The following GRIPAP1 variants were observed in gnomAD, a reference collection of about 807,000 sequenced individuals.
The protein encoded by GRIPAP1 is GRIP1-associated protein 1.
Under a neutral mutation model 84.1 loss-of-function variants are expected in GRIPAP1, and 14 were observed. The observed-to-expected ratio is 0.17, with a 90% CI of 0.11 to 0.26. The LOEUF is 0.26. GRIPAP1 is among the 10% of genes least tolerant of loss of function. The probability of loss-of-function intolerance (pLI) is 1.00; values close to 1 mark genes in which losing one functional copy is unlikely to be tolerated. For missense variants in GRIPAP1, 518 were observed against 674.2 expected (o/e 0.77, Z 2.57); for synonymous variants, 261 against 256.8 (o/e 1.02, Z -0.15).
At chrX:48,978,895 C>CAAA (rs57629559) in intron 21 of GRIPAP1, among the ~76,000 whole-genome samples, 2 of 71,406 alleles carry the variant, frequency 2.8e-5, no homozygotes, top group African/African-American at 1.3e-4. Context: ...ACTCTTGTCT[C>CAAA]AAAAAAAAAA....
intron 18 of GRIPAP1, 45 bp from the exon 19 acceptor site, chrX:48,981,736 G>A (rs781868611): frequency 2.6e-6 from 3 of 1,164,793 alleles, no homozygotes; most frequent in South Asian, 3.6e-5. Context: ...GGAAGCCTCT[G>A]TCCTCCCAGG....
intron 15 of GRIPAP1, 52 bp downstream of exon 15, chrX:48,983,723 T>G: frequency 1.3e-6 from 1 of 746,382 alleles, no homozygotes; most frequent in Non-Finnish European, 2.1e-6. Context: ...CCCCATGGAC[T>G]GAGCCAATTC....
At chrX:48,999,803 G>C (rs962680794) in intron 1 of GRIPAP1, among the ~76,000 whole-genome samples, 15 of 110,831 alleles carry the variant, frequency 1.4e-4, no homozygotes, top group African/African-American at 4.6e-4. Flanking sequence ...GCTTGTGTGA[G>C]TTCCCTGGCT....
intron 5 of GRIPAP1, 35 bp from the exon 6 acceptor site, chrX:48,993,613 G>T: frequency 9.6e-7 from 1 of 1,046,299 alleles, no homozygotes; most frequent in South Asian, 2.5e-5. Context: ...GAGAAGCAGA[G>T]AATCAGAGCA....
intron 8 of GRIPAP1, 152 bp from the exon 9 acceptor site, chrX:48,990,155 G>T: frequency 2.1e-6 from 1 of 475,757 alleles, no homozygotes; most frequent in Non-Finnish European, 3.5e-6. Flanking sequence ...GCCCTGACAA[G>T]TGAGTAGTAC....
intron 3 of GRIPAP1, 122 bp downstream of exon 3, chrX:48,999,116 C>A (rs142454099): frequency 0.017 from 7,504 of 454,670 alleles, 55 homozygotes; most frequent in Non-Finnish European, 0.021. Context: ...TAAATGACTA[C>A]GTGAAAACAG....
At chrX:48,978,705 C>G (rs1020107794) in intron 21 of GRIPAP1, among the ~76,000 whole-genome samples, 1 of 109,525 alleles carries the variant, frequency 9.1e-6, no homozygotes, top group Admixed American at 9.8e-5. Context: ...AACAGCCTGG[C>G]CAACATGAAG....
At chrX:48,990,781 G>C in intron 7 of GRIPAP1, 49 bp from the exon 8 acceptor site, 1 of 1,125,292 alleles carries the variant, frequency 8.9e-7, no homozygotes, top group East Asian at 3.0e-5. Context: ...CAAGGACAAG[G>C]AGAAGCCTTC....
At chrX:48,983,135 C>G (rs781975913) in intron 16 of GRIPAP1, 43 bp from the exon 17 acceptor site, 5 of 1,118,592 alleles carry the variant, frequency 4.5e-6, no homozygotes, top group Non-Finnish European at 3.7e-6. Context: ...GGCAGAGGAG[C>G]GGGCACCTGA....
At chrX:48,983,142 C>T in intron 16 of GRIPAP1, 50 bp from the exon 17 acceptor site, 1 of 1,116,245 alleles carries the variant, frequency 9.0e-7, no homozygotes, top group Non-Finnish European at 1.2e-6. Context: ...GAGCGGGCAC[C>T]TGATGCATGC....
rs142882128 is a variant in GRIPAP1 at position 48,988,067 on chromosome X, C to G, written c.948+54G>C. The G allele has an allele frequency of 1.8e-3, 1,737 of 985,214 alleles. 9 individuals are homozygous for G. The East Asian group carries it at 0.019, about 11-fold the overall frequency. 81.2% of individuals were successfully genotyped at this position (985,214 alleles called of 1,213,427 possible). On this transcript the variant is annotated intron_variant, in intron 12 of 25. Transcript: ENST00000376423. ...CTTGCCTGACTATGTAGTACCCACT[C>G]AGGCTGCCCCCATCCTGAACCCCAG...
intron 14 of GRIPAP1, among the ~76,000 whole-genome samples, chrX:48,984,255 C>G (rs1382356644): frequency 9.1e-6 from 1 of 110,456 alleles, no homozygotes; most frequent in African/African-American, 3.3e-5. Flanking sequence ...ACATGATGGT[C>G]GGGGAGTTTC....
intron 13 of GRIPAP1, among the ~76,000 whole-genome samples, chrX:48,986,974 G>A (rs1451557284): frequency 1.9e-5 from 2 of 107,438 alleles, no homozygotes; most frequent in Non-Finnish European, 3.8e-5. Context: ...TCAGCCTCCC[G>A]AGTAGCTTGG....
intron 17 of GRIPAP1, among the ~76,000 whole-genome samples, chrX:48,982,714 C>T (rs782371902): frequency 1.8e-4 from 20 of 112,541 alleles, no homozygotes; most frequent in Non-Finnish European, 3.6e-4. Flanking sequence ...GCATTAATTT[C>T]CTGACAGAAG....
At position 48,983,048 on chromosome X, in the gene GRIPAP1, T is replaced by C. The variant is rs2064466227; in HGVS notation, c.1530A>G (p.Glu510=). 3 of 1,207,813 alleles carry C rather than the reference T, an allele frequency of 2.5e-6. No individual in the cohort carries two copies. The highest frequency in any genetic ancestry group is 3.4e-6 in the Non-Finnish European group (3 of 892,456). The part of the protein sequence containing the change: ...ELETLQQTVE[E]LQAQVHSMDG... ...CCATGGAATGTACCTGAGCTTGAAG[T>C]TCTTCCACTGTCTGCTGGAGAGTCT... Residue 510 remains glutamate, a synonymous_variant, in exon 17 of 26, where the codon GAA becomes GAG. Transcript: ENST00000376423.
Position 48,974,254 on chromosome X carries a change from C to T in GRIPAP1, c.2465G>A (p.Arg822Gln), listed in dbSNP as rs371634362. Reference protein sequence around the residue: ...DMEVLSQEIVRLSKECVGPPD... With the variant: ...DMEVLSQEIVQLSKECVGPPD... ...AGGCCCCACGCACTCCTTGCTGAGC[C>T]GCACAATTTCCTGGGACAGAACTTC... Residue 822 changes from arginine (R) to glutamine (Q), a missense_variant, in exon 26 of 26, where the codon CGG (arginine) becomes CAG (glutamine). This residue lies in a region of GRIPAP1 where 30 missense variants were observed against 23.8 expected (regional missense o/e 1.26). Transcript: ENST00000376423. The T allele has an allele frequency of 3.0e-5, 36 of 1,204,889 alleles. No individual in the cohort carries two copies. Among genetic ancestry groups the T allele is most frequent in the South Asian group, 1.8e-5 (1 of 56,572 alleles).
chrX:48,988,822 G>A (rs1479497250), intron 11 of GRIPAP1, among the ~76,000 whole-genome samples: 2 of 110,938 alleles, frequency 1.8e-5, no homozygotes, highest in African/African-American at 6.6e-5. Flanking sequence ...GGGGGTCTCA[G>A]CTTTACCCAG....
Position 48,999,472 on chromosome X carries a change from G to A in GRIPAP1, c.75C>T (p.Tyr25=), listed in dbSNP as rs146476204. The change falls in exon 2 of 26, where the codon TAC becomes TAT. Residue 25 remains tyrosine, a synonymous_variant. Transcript: ENST00000376423. ...AQLLELRTNN[Y]QLSDELRKNG... is the part of the protein sequence containing the mutation. ...TCTTGCGTAGTTCATCTGAAAGCTG[G>A]TAGTTGTTTGTCCGGAGTTCCAGGA... 8.9e-5 allele frequency: 107 copies of A among 1,205,393 alleles called. No individual in the cohort carries two copies. In the African/African-American group the frequency reaches 1.6e-3, roughly 18 times the overall value.
At chrX:48,989,563 C>T in intron 11 of GRIPAP1, 48 bp downstream of exon 11, 1 of 838,023 alleles carries the variant, frequency 1.2e-6, no homozygotes, top group Non-Finnish European at 1.8e-6. Context: ...CTCCAGGCTC[C>T]CAGTCCTGGC....
Sources: allele counts gnomAD v4.1 joint callset (sites outside exome capture counted in the v4.1 genomes callset), GRCh38; gene constraint gnomAD v4.1.1; regional missense constraint gnomAD v4.1.1; transcripts MANE v1.5; gene names NCBI Gene and HGNC (gene_info 2026-07-23, HGNC 2026-07-21).